TRO: variants seen among roughly 807,000 people sequenced by gnomAD.
TRO encodes trophinin, also known as MAGE superfamily protein.
A neutral mutation model predicts 42.3 loss-of-function variants in TRO; 29 were observed. The observed-to-expected ratio is 0.68, with a 90% CI of 0.51 to 0.93. The LOEUF (loss-of-function observed/expected upper bound fraction) is 0.93. Among genes scored for constraint, TRO ranks in the 40% least tolerant of loss-of-function variants. TRO has a pLI of 0.00. For synonymous variants in TRO, 384 were observed against 425.2 expected, an observed-to-expected ratio of 0.90 and a Z score of 1.19; for missense variants, 963 against 1,127.7, an observed-to-expected ratio of 0.85 and a Z score of 2.09.
intron 1 of TRO, 90 bp from the exon 2 acceptor site, chrX:54,922,113 A>T (rs1032459078): frequency 1.2e-4 from 85 of 704,760 alleles, no homozygotes; most frequent in Non-Finnish European, 1.2e-4. Context: ...AGTTGAAGGG[A>T]TTAGGGCCCA....
At position 54,931,228 on chromosome X, in the gene TRO, C is replaced by G. The variant is rs763747412; in HGVS notation, c.*36C>G. On this transcript the variant is annotated 3_prime_UTR_variant, in exon 13 of 13. Transcript: ENST00000173898. ...GATTTATTCCCCATGTTTACAGATA[C>G]CGCTAATAAATTGCAGTAGTCCTTC... 3 of 1,210,208 alleles carry G rather than the reference C, an allele frequency of 2.5e-6. No individual in the cohort carries two copies. In the African/African-American group the frequency reaches 5.2e-5, roughly 21 times the overall value.
Position 54,925,000 on chromosome X carries a change from G to A in TRO, c.1417G>A (p.Asp473Asn), listed in dbSNP as rs1246168177. 1 of 1,209,335 alleles carries A rather than the reference G, an allele frequency of 8.3e-7. No individual in the cohort carries two copies. Among genetic ancestry groups the A allele is most frequent in the Non-Finnish European group, 1.1e-6 (1 of 894,523 alleles). ...CTCCTTTTCTACAGACATGCTGAGG[G>A]ATGTCATCCAAGAATATGATGAATA... is the stretch of plus-strand genomic sequence containing the variant. ...IPIKRSDMLR[D>N]VIQEYDEYFP... The change falls in exon 6 of 13, where the codon GAT becomes AAT. Residue 473 changes from aspartate to asparagine, a missense_variant. By Grantham distance (23) the Asp-to-Asn change is conservative (BLOSUM62 1). This residue lies in a region of TRO where 641 missense variants were observed against 811.3 expected (regional missense o/e 0.79). Transcript: ENST00000173898.
In TRO at chrX:54,923,437, G is replaced by C; in HGVS notation, c.905G>C (p.Gly302Ala). The C allele has an allele frequency of 8.4e-7, 1 of 1,193,884 alleles. No homozygotes were observed. The highest frequency in any genetic ancestry group is 1.1e-6 in the Non-Finnish European group (1 of 886,011). ...VVAIRPKKSKGKKAASRGPNS... is the reference protein window; with the variant it reads ...VVAIRPKKSKAKKAASRGPNS... ...GCTATCAGGCCCAAAAAATCCAAGGGCAAGAAGGCTGCCAGCAGGGGCCCA... is the reference window on the plus strand; with the variant it reads ...GCTATCAGGCCCAAAAAATCCAAGGCCAAGAAGGCTGCCAGCAGGGGCCCA... Residue 302 changes from glycine (G) to alanine (A), a missense_variant, in exon 3 of 13, where the codon GGC (glycine) becomes GCC (alanine). This residue lies in a region of TRO where 322 missense variants were observed against 316.5 expected (regional missense o/e 1.02). Transcript: ENST00000173898.
In TRO at chrX:54,930,214, A is replaced by T. The variant is rs1369225171; in HGVS notation, c.3490A>T (p.Asn1164Tyr). The T allele has an allele frequency of 8.3e-7, 1 of 1,211,891 alleles. No homozygotes were observed. Residue 1164 changes from asparagine (N) to tyrosine (Y), a missense_variant, in exon 12 of 13, where the codon AAT (asparagine) becomes TAT (tyrosine). Asn to Tyr is a moderately radical substitution (Grantham distance 143). Transcript: ENST00000173898. ...CAGCCTCTGCTTTGGCAGTGCATCT[A>T]ATACTAACCTATGCTTTGGTGGCCC... Reference protein sequence around the residue: ...STSLCFGSASNTNLCFGGPPS... With the variant: ...STSLCFGSASYTNLCFGGPPS...
chrX:54,930,982 G>A lies in TRO; in HGVS notation c.4258G>A (p.Ala1420Thr), dbSNP rs777489634. 12 of 1,198,357 alleles carry A rather than the reference G, an allele frequency of 1.0e-5. No individual in the cohort carries two copies. The East Asian group carries it at 3.6e-4, about 36-fold the overall frequency. Residue 1420 changes from alanine (A) to threonine (T), a missense_variant, in exon 12 of 13, where the codon GCC (alanine) becomes ACC (threonine). By Grantham distance (58) the Ala-to-Thr change is moderately conservative. This residue lies in a region of TRO where 641 missense variants were observed against 811.3 expected (regional missense o/e 0.79). Transcript: ENST00000173898. ...PSTSAGFGSGAASLGACGFSY... is the reference protein window; with the variant it reads ...PSTSAGFGSGTASLGACGFSY... ...CACCAGTGCTGGCTTTGGCAGTGGA[G>A]CCGCCAGTCTTGGTGCCTGTGGCTT...
At chrX:54,927,219 C>T in intron 10 of TRO, 114 bp downstream of exon 10, 1 of 840,000 alleles carries the variant, frequency 1.2e-6, no homozygotes, top group Non-Finnish European at 1.7e-6. Flanking sequence ...GATGGGCATC[C>T]TGTGTCCTAG....
rs750482478 is a variant in TRO at position 54,923,225 on chromosome X, A to T, written c.693A>T (p.Thr231=). 3.3e-6 allele frequency: 4 copies of T among 1,211,736 alleles called. No homozygotes were observed. Among genetic ancestry groups the T allele is most frequent in the East Asian group, 3.0e-5 (1 of 33,846 alleles). The change falls in exon 3 of 13, where the codon ACA becomes ACT. Residue 231 remains threonine, a synonymous_variant. Coordinates refer to ENST00000173898, the MANE Select transcript of TRO (RefSeq NM_001039705.3). ...CGCTGGCTGCAACTGCCACCCATACAGCTACCACCCAAGGCCAAATTACCA... is the reference window on the plus strand; with the variant it reads ...CGCTGGCTGCAACTGCCACCCATACTGCTACCACCCAAGGCCAAATTACCA... ...EVSLAATATH[T]ATTQGQITNE...
In TRO at chrX:54,923,163, G is replaced by T. The variant is rs746399151; in HGVS notation, c.631G>T (p.Ala211Ser). Residue 211 changes from alanine (A) to serine (S), a missense_variant, in exon 3 of 13, where the codon GCT (alanine) becomes TCT (serine). Transcript: ENST00000173898. ...KPKKASKAKKAANKAIASATE... is the reference protein window; with the variant it reads ...KPKKASKAKKSANKAIASATE... ...TAAGAAAGCTTCCAAGGCTAAGAAG[G>T]CTGCAAATAAGGCCATAGCTAGTGC... 1.7e-6 allele frequency: 2 copies of T among 1,209,670 alleles called. No individual in the cohort carries two copies. Among genetic ancestry groups the T allele is most frequent in the East Asian group, 3.0e-5 (1 of 33,724 alleles).
intron 1 of TRO, among the ~76,000 whole-genome samples, chrX:54,921,685 A>G (rs182576923): frequency 5.9e-5 from 3 of 50,898 alleles, no homozygotes; most frequent in African/African-American, 2.5e-4. Context: ...CGCAGAGGAG[A>G]GATGGGCGGT....
rs756318331 is a variant in TRO at position 54,922,897 on chromosome X, C to T, written c.365C>T (p.Thr122Ile). 1.4e-5 allele frequency: 17 copies of T among 1,210,326 alleles called. No homozygotes were observed. In the East Asian group the frequency reaches 5.0e-4, roughly 36 times the overall value. Residue 122 changes from threonine (T) to isoleucine (I), a missense_variant, in exon 3 of 13, where the codon ACT becomes ATT. Around this residue, in one of 2 missense-constraint regions of TRO, gnomAD observed 322 missense variants for 316.5 expected, o/e 1.02. Transcript: ENST00000173898. ...ITQISQALPT[T>I]EVTNTQASSV... ...CAGATCAGCCAGGCTTTACCTACCA[C>T]TGAGGTAACCAATACTCAGGCTTCT...
chrX:54,929,177 G>A lies in TRO; in HGVS notation c.2453G>A (p.Cys818Tyr), dbSNP rs199679457. The A allele has an allele frequency of 5.5e-4, 669 of 1,211,607 alleles. 1 individual carries two copies. Among genetic ancestry groups the A allele is most frequent in the Non-Finnish European group, 1.1e-4 (102 of 895,548 alleles). The change falls in exon 12 of 13, where the codon TGT (cysteine) becomes TAT (tyrosine). Residue 818 changes from cysteine to tyrosine, a missense_variant. Transcript: ENST00000173898. ...EASISFGGMP[C>Y]TSASFSGGVS... ...AGCATTAGCTTTGGTGGCATGCCTT[G>A]TACCAGTGCCAGCTTTAGTGGTGGA...
At position 54,923,784 on chromosome X, in the gene TRO, T is replaced by C; in HGVS notation, c.1236+16T>C. On this transcript the variant is annotated intron_variant, in intron 3 of 12. Coordinates refer to ENST00000173898, the MANE Select transcript of TRO (RefSeq NM_001039705.3). ...AAACCGAAAGGTGAGATCTCTGACA[T>C]TGCCATCCTTAACTTTGTGCTTCTT... 3 of 1,171,607 alleles carry C rather than the reference T, an allele frequency of 2.6e-6. No individual in the cohort carries two copies. Among genetic ancestry groups the C allele is most frequent in the Non-Finnish European group, 3.4e-6 (3 of 872,397 alleles).
chrX:54,926,300 T>C, intron 7 of TRO, 110 bp from the exon 8 acceptor site: 1 of 740,320 alleles, frequency 1.4e-6, no homozygotes, highest in Non-Finnish European at 2.0e-6. Context: ...CTGGGAGAGG[T>C]TAGCCTGGTG....
At chrX:54,925,131 A>AT in intron 6 of TRO, 63 bp downstream of exon 6, 4 of 1,040,936 alleles carry the variant, frequency 3.8e-6, no homozygotes, top group Non-Finnish European at 5.3e-6. Context: ...AAAGACATAC[A>AT]TGTCCCTTTT....
rs763124702 is a variant in TRO, at chrX:54,930,915, C to T, written c.4191C>T (p.Gly1397=). Residue 1397 remains glycine, a synonymous_variant, in exon 12 of 13, where the codon GGC becomes GGT. Transcript: ENST00000173898. The part of the protein sequence containing the change: ...SGGPSTGAGF[G]GGPNTGAGFG... ...GACCGAGCACAGGAGCTGGCTTCGG[C>T]GGTGGACCAAACACTGGTGCTGGCT... is the stretch of plus-strand genomic sequence containing the variant. 11 of 1,197,511 alleles carry T rather than the reference C, an allele frequency of 9.2e-6. No homozygotes were observed. Among genetic ancestry groups the T allele is most frequent in the South Asian group, 1.8e-5 (1 of 55,142 alleles).
At position 54,923,200 on chromosome X, in the gene TRO, C is replaced by T. The variant is rs199516455; in HGVS notation, c.668C>T (p.Ser223Leu). The change falls in exon 3 of 13, where the codon TCG (serine) becomes TTG (leucine). Residue 223 changes from serine to leucine, a missense_variant. Transcript: ENST00000173898. Reference sequence around the variant, plus strand: ...GCCATAGCTAGTGCCACCGAGGTCTCGCTGGCTGCAACTGCCACCCATACA... The same window carrying T: ...GCCATAGCTAGTGCCACCGAGGTCTTGCTGGCTGCAACTGCCACCCATACA... ...NKAIASATEV[S>L]LAATATHTAT... is the part of the protein sequence containing the mutation. 1.3e-4 allele frequency: 160 copies of T among 1,209,841 alleles called. No individual in the cohort carries two copies. Among genetic ancestry groups the T allele is most frequent in the Non-Finnish European group, 1.7e-4 (153 of 895,244 alleles).
At chrX:54,928,290 A>G (rs938126226) in intron 11 of TRO, among the ~76,000 whole-genome samples, 1 of 112,269 alleles carries the variant, frequency 8.9e-6, no homozygotes, top group Non-Finnish European at 1.9e-5. Flanking sequence ...TCCAAGTACA[A>G]TCACACTGGG....
chrX:54,931,057 G>A, intron 12 of TRO, 26 bp downstream of exon 12: 1 of 1,168,671 alleles, frequency 8.6e-7, no homozygotes, highest in Non-Finnish European at 1.1e-6. Context: ...CCATAGCCAG[G>A]ACCCACAGGG....
At chrX:54,924,621 G>A (rs1932531554) in intron 4 of TRO, 49 bp from the exon 5 acceptor site, 1 of 1,204,198 alleles carries the variant, frequency 8.3e-7, no homozygotes, top group Non-Finnish European at 1.1e-6. Flanking sequence ...CTCCTTCCAA[G>A]TTTTCTGCAA....
Sources: allele counts gnomAD v4.1 joint callset (sites outside exome capture counted in the v4.1 genomes callset), GRCh38; gene constraint gnomAD v4.1.1; regional missense constraint gnomAD v4.1.1; transcripts MANE v1.5; gene names NCBI Gene and HGNC (gene_info 2026-07-23, HGNC 2026-07-21).